The following MRTFB variants were observed in gnomAD, a reference collection of about 807,000 sequenced individuals.
MRTFB encodes the protein myocardin related transcription factor B.
A neutral mutation model predicts 104.2 loss-of-function variants in MRTFB; 29 were observed. That is an observed-to-expected ratio of 0.28 (90% CI 0.21 to 0.38). The LOEUF (loss-of-function observed/expected upper bound fraction) is 0.38. Ranked by LOEUF, MRTFB falls within the 10% of genes least tolerant of loss-of-function variation. The pLI is 1.00. For synonymous variants in MRTFB, 535 were observed against 519.5 expected (o/e 1.03, Z -0.41); for missense variants, 1,270 against 1,341.6 (o/e 0.95, Z 0.83).
chr16:14,090,908 G>GTGTGTGTGTGTGTGTGTGTA (rs1567311022), intron 2 of MRTFB, among the ~76,000 whole-genome samples: 2 of 151,838 alleles, frequency 1.3e-5, no homozygotes, highest in African/African-American at 4.8e-5. Flanking sequence ...GTGTGTGTGT[G>GTGTGTGTGTGTGTGTGTGTA]TGTGTGTGTG....
chr16:14,053,414 CT>C, the MRTFB span, among the ~76,000 whole-genome samples: 2 of 151,952 alleles, frequency 1.3e-5, no homozygotes, highest in African/African-American at 4.8e-5. Flanking sequence ...ATAGTGAGAC[CT>C]TGACTCTACA....
At chr16:14,234,334 T>C (rs1312375704) in intron 9 of MRTFB, 51 bp downstream of exon 9, 1 of 1,563,294 alleles carries the variant, frequency 6.4e-7, no homozygotes, top group South Asian at 1.2e-5. Context: ...TGTGACTCTG[T>C]CTATAACCCT....
intron 16 of MRTFB, among the ~76,000 whole-genome samples, chr16:14,259,535 C>T (rs1409822998): frequency 1.4e-5 from 2 of 146,568 alleles, no homozygotes; most frequent in African/African-American, 5.0e-5. Context: ...CCACGGCAAG[C>T]GGATCACCTG....
the MRTFB span, among the ~76,000 whole-genome samples, chr16:13,998,486 A>G: frequency 6.6e-6 from 1 of 152,082 alleles, no homozygotes; most frequent in African/African-American, 2.4e-5. Context: ...CTCTACAAAA[A>G]TTTTTAAAAA....
At chr16:14,079,789 G>T (rs1050402723) in intron 2 of MRTFB, among the ~76,000 whole-genome samples, 4 of 150,538 alleles carry the variant, frequency 2.7e-5, no homozygotes, top group Non-Finnish European at 5.9e-5. Flanking sequence ...ATTTCTATCC[G>T]TATAAAACAA....
intron 3 of MRTFB, among the ~76,000 whole-genome samples, chr16:14,197,570 TTC>T (rs1238758895): frequency 2.6e-5 from 4 of 152,238 alleles, no homozygotes; most frequent in African/African-American, 4.8e-5. Flanking sequence ...TGACATTGTA[TTC>T]TGTTTTCTTA....
rs2043023731 is a variant in MRTFB at position 14,246,551 on chromosome 16, A to C, written c.1291A>C (p.Lys431Gln). 1 of 1,614,192 alleles carries C rather than the reference A, an allele frequency of 6.2e-7. No individual in the cohort carries two copies. Among genetic ancestry groups the C allele is most frequent in the Non-Finnish European group, 8.5e-7 (1 of 1,180,020 alleles). ...GTKPDLIERL[K>Q]PYQEVNSSGL... ...CAAACCGGACCTCATTGAGCGCCTA[A>C]AACCCTACCAGGAAGTGAACAGCAG... The change falls in exon 12 of 17, where the codon AAA becomes CAA. Residue 431 changes from lysine to glutamine, a missense_variant. Physicochemically the swap from Lys to Gln is moderately conservative, Grantham distance 53. Coordinates refer to ENST00000571589, the MANE Select transcript of MRTFB (RefSeq NM_001308142.2).
intron 2 of MRTFB, among the ~76,000 whole-genome samples, chr16:14,124,337 TG>T (rs1338879499): frequency 3.3e-5 from 5 of 152,232 alleles, no homozygotes; most frequent in Non-Finnish European, 4.4e-5. Context: ...ATCCTTGTCT[TG>T]TGCCAGTTTT....
intron 2 of MRTFB, among the ~76,000 whole-genome samples, chr16:14,137,512 G>A (rs1004965860): frequency 6.6e-6 from 1 of 151,962 alleles, no homozygotes; most frequent in Non-Finnish European, 1.5e-5. Context: ...AATTATAAGG[G>A]CATTATGGTA....
chr16:14,106,329 C>T (rs756465824), intron 2 of MRTFB, among the ~76,000 whole-genome samples: 4 of 152,032 alleles, frequency 2.6e-5, no homozygotes, highest in Admixed American at 6.6e-5. Flanking sequence ...AGAGGTGGGA[C>T]GAAGGTGGTG....
intron 2 of MRTFB, among the ~76,000 whole-genome samples, chr16:14,127,229 G>A (rs1018896134): frequency 2.6e-4 from 40 of 152,168 alleles, no homozygotes; most frequent in Non-Finnish European, 1.0e-4. Context: ...AGATGAATAT[G>A]CAAAAGGCAA....
the MRTFB span, among the ~76,000 whole-genome samples, chr16:14,057,752 C>G: frequency 2.6e-5 from 4 of 152,172 alleles, no homozygotes; most frequent in African/African-American, 9.7e-5. Flanking sequence ...GCCTACCACA[C>G]TCTGGATATG....
intron 2 of MRTFB, among the ~76,000 whole-genome samples, chr16:14,102,405 A>G (rs1241921636): frequency 1.3e-5 from 2 of 152,206 alleles, no homozygotes; most frequent in African/African-American, 4.8e-5. Context: ...CCTTTCTTCC[A>G]GTTGGGGGTG....
chr16:14,207,185 G>A (rs2040986428), intron 3 of MRTFB, among the ~76,000 whole-genome samples: 1 of 152,172 alleles, frequency 6.6e-6, no homozygotes, highest in Non-Finnish European at 1.5e-5. Context: ...TGTAGTGGGA[G>A]GTTCTTGCTT....
chr16:14,246,598 C>CGTGGCAGTGTCATCATCAGCCATT lies in MRTFB; in HGVS notation c.1341_1364dup (p.Ala448_Val455dup). ...GCAGCGGCCTTGCTGCTGGGGGCATCGTGGCAGTGTCATCATCAGCCATTG... is the reference window on the plus strand; with the variant it reads ...GCAGCGGCCTTGCTGCTGGGGGCATCGTGGCAGTGTCATCATCAGCCATTGTGGCAGTGTCATCATCAGCCATTG... On this transcript the variant is annotated inframe_insertion, in exon 12 of 17. Transcript: ENST00000571589. 1 of 1,614,122 alleles carries CGTGGCAGTGTCATCATCAGCCATT rather than the reference C, an allele frequency of 6.2e-7. No homozygotes were observed. The highest frequency in any genetic ancestry group is 8.5e-7 in the Non-Finnish European group (1 of 1,180,026).
chr16:14,019,828 C>T, the MRTFB span, among the ~76,000 whole-genome samples: 1 of 131,682 alleles, frequency 7.6e-6, no homozygotes, highest in Non-Finnish European at 1.8e-5. Flanking sequence ...TATTATAGAT[C>T]CAAAAAAGGC....
chr16:14,045,881 ATAGATGTTAAG>A, the MRTFB span, among the ~76,000 whole-genome samples: 1 of 152,196 alleles, frequency 6.6e-6, no homozygotes, highest in South Asian at 2.1e-4. Flanking sequence ...GAAGAGAGAA[ATAGATGTTAAG>A]TTCCTAATGA....
intron 2 of MRTFB, chr16:14,092,738 T>G (rs1049576930): frequency 6.6e-6 from 1 of 152,184 alleles, no homozygotes; most frequent in Non-Finnish European, 1.5e-5. Context: ...CTGTAAACTC[T>G]CACAAGAGAT....
chr16:14,080,674 C>T (rs1482672471), intron 2 of MRTFB, among the ~76,000 whole-genome samples: 2 of 152,088 alleles, frequency 1.3e-5, no homozygotes, highest in East Asian at 1.9e-4. Context: ...GACCTTCTAA[C>T]GCCTCTGGTA....
Sources: allele counts gnomAD v4.1 joint callset (sites outside exome capture counted in the v4.1 genomes callset), GRCh38; gene constraint gnomAD v4.1.1; transcripts MANE v1.5; gene names NCBI Gene and HGNC (gene_info 2026-07-23, HGNC 2026-07-21).